The following DNAH5 variants were observed in gnomAD, a reference collection of about 807,000 sequenced individuals.
DNAH5 encodes the protein dynein axonemal heavy chain 5.
DNAH5 carries 372 observed loss-of-function variants against 518.2 expected under a neutral mutation model. The observed-to-expected ratio is 0.72, with a 90% CI of 0.66 to 0.78. DNAH5 has a LOEUF of 0.78. Among genes scored for constraint, DNAH5 ranks in the 30% least tolerant of loss-of-function variants. The pLI is 0.00. For synonymous variants in DNAH5, 2,039 were observed against 2,025.9 expected, an observed-to-expected ratio of 1.01 and a Z score of -0.17; for missense variants, 5,523 against 5,687.0, an observed-to-expected ratio of 0.97 and a Z score of 0.93.
intron 72 of DNAH5, among the ~76,000 whole-genome samples, chr5:13,718,680 A>G (rs1370895232): frequency 6.6e-6 from 1 of 152,202 alleles, no homozygotes; most frequent in Admixed American, 6.5e-5. Context: ...GGAAAATAGG[A>G]AACTAGAAGG....
In DNAH5 at chr5:13,769,527, G is replaced by T; in HGVS notation, c.9694C>A (p.Gln3232Lys). Residue 3232 changes from glutamine to lysine, a missense_variant, in exon 57 of 79, where the codon CAA becomes AAA. Gln to Lys is a moderately conservative substitution (Grantham distance 53). Coordinates refer to ENST00000265104, the MANE Select transcript of DNAH5 (RefSeq NM_001369.3). ...KELEAKEKEL[Q>K]VANDKADMVL... ...ATGTCGGCTTTATCGTTGGCCACTT[G>T]TAGCTCCTTTTCTTTCGCTTCCAGT... 6.2e-7 allele frequency: 1 copy of T among 1,614,044 alleles called. No individual in the cohort carries two copies. Among genetic ancestry groups the T allele is most frequent in the South Asian group, 1.1e-5 (1 of 91,082 alleles).
intron 70 of DNAH5, among the ~76,000 whole-genome samples, chr5:13,723,545 G>T (rs543446385): frequency 6.6e-6 from 1 of 152,228 alleles, no homozygotes; most frequent in Non-Finnish European, 1.5e-5. Flanking sequence ...AGAATACTAT[G>T]GGGCCAGATG....
intron 1 of DNAH5, among the ~76,000 whole-genome samples, chr5:14,001,691 T>TTA (rs1784366495): frequency 6.6e-6 from 1 of 151,384 alleles, no homozygotes. Context: ...TTTTTTTTTT[T>TTA]AAGGATACTT....
In DNAH5 at chr5:13,695,052, C is replaced by T. The variant is rs542929109; in HGVS notation, c.13724-2917G>A. ...GAATGAAACCTAGTCAGAATGGATC[C>T]GTGGCCTCTCCGCTTCATCTCTGCA... On this transcript the variant is annotated intron_variant, in intron 78 of 78. Transcript: ENST00000265104. Among the ~76,000 whole-genome samples the T allele has an allele frequency of 4.6e-5, 7 of 152,266 alleles. No homozygotes were observed. In the South Asian group the frequency reaches 8.3e-4, roughly 18 times the overall value.
chr5:13,946,384 C>T (rs2152031283), upstream of DNAH5, among the ~76,000 whole-genome samples: 1 of 152,276 alleles, frequency 6.6e-6, no homozygotes, highest in South Asian at 2.1e-4. Context: ...ACCCCTCGGG[C>T]AAGGTAGATG....
chr5:13,931,097 A>C lies in DNAH5; in HGVS notation c.192+13T>G, dbSNP rs748766080. The C allele has an allele frequency of 1.2e-6, 2 of 1,613,908 alleles. No homozygotes were observed. Among genetic ancestry groups the C allele is most frequent in the African/African-American group, 2.7e-5 (2 of 74,916 alleles). On this transcript the variant is annotated intron_variant, in intron 2 of 78. Transcript: ENST00000265104. ...TCCATCATCAAGTCAGTGAGAAGTG[A>C]AACGCATCCCACCTGATTCCCTTCA...
rs905242 is a variant in DNAH5 at position 13,851,129 on chromosome 5, A to G, written c.4951-314T>C. Among the ~76,000 whole-genome samples, 66,761 of 152,066 alleles carry G rather than the reference A, an allele frequency of 0.44. 14,882 individuals carry two copies. The highest frequency in any genetic ancestry group is 0.5 in the South Asian group (2,409 of 4,822). On this transcript the variant is annotated intron_variant, in intron 30 of 78. Transcript: ENST00000265104. ...AGAAAGTACACACATTTCTTTTCAC[A>G]GGTTATCTCTAAATGAAGTACATTT...
chr5:13,816,476 C>A (rs1038449513), intron 42 of DNAH5, among the ~76,000 whole-genome samples: 6 of 145,624 alleles, frequency 4.1e-5, no homozygotes, highest in Non-Finnish European at 8.9e-5. Context: ...ACTAGCAATT[C>A]AAGTAAAATG....
intron 1 of DNAH5, among the ~76,000 whole-genome samples, chr5:13,968,928 T>G (rs1056777925): frequency 6.6e-6 from 1 of 152,208 alleles, no homozygotes; most frequent in African/African-American, 2.4e-5. Flanking sequence ...AATTCAGCTG[T>G]GAATGCATCC....
At chr5:13,800,519 A>T (rs963617628) in intron 47 of DNAH5, among the ~76,000 whole-genome samples, 7 of 151,922 alleles carry the variant, frequency 4.6e-5, no homozygotes, top group African/African-American at 1.7e-4. Context: ...TAATTTCAAC[A>T]CCCTTTCTAA....
intron 51 of DNAH5, among the ~76,000 whole-genome samples, chr5:13,787,002 T>C (rs547122799): frequency 9.9e-5 from 15 of 152,212 alleles, no homozygotes; most frequent in African/African-American, 3.6e-4. Context: ...GGCAGATCAC[T>C]TGAGGTCAGG....
At chr5:13,778,661 T>C (rs1035863443) in intron 53 of DNAH5, among the ~76,000 whole-genome samples, 2 of 151,894 alleles carry the variant, frequency 1.3e-5, no homozygotes, top group African/African-American at 4.8e-5. Flanking sequence ...TCTTGTGATA[T>C]GGGGGAAATT....
intron 2 of DNAH5, among the ~76,000 whole-genome samples, chr5:13,928,667 G>C (rs532224711): frequency 1.2e-3 from 180 of 152,320 alleles, no homozygotes; most frequent in African/African-American, 4.1e-3. Context: ...CTGGGACTAA[G>C]AGTCCCATCC....
chr5:13,771,238 T>C, intron 55 of DNAH5: 3 of 475,474 alleles, frequency 6.3e-6, no homozygotes, highest in Non-Finnish European at 1.2e-5. Context: ...TGCAGAGACA[T>C]CTCTTCTACA....
At position 13,885,021 on chromosome 5, in the gene DNAH5, C is replaced by T. The variant is rs780758815; in HGVS notation, c.2951G>A (p.Arg984His). The part of the protein sequence containing the change: ...TRNTLEAIRK[R>H]IHSSHTINFR... ...GTTAATTGTGTGAGAGGAATGAATA[C>T]GTTTGCGAATGGCCTCTAGTGTATT... Residue 984 changes from arginine to histidine, a missense_variant, in exon 19 of 79, where the codon CGT becomes CAT. Transcript: ENST00000265104. The T allele has an allele frequency of 2.7e-5, 43 of 1,614,050 alleles. 1 individual carries two copies. The highest frequency in any genetic ancestry group is 1.3e-4 in the South Asian group (12 of 91,092).
chr5:14,009,641 A>G (rs1784980571), intron 1 of DNAH5, among the ~76,000 whole-genome samples: 2 of 152,268 alleles, frequency 1.3e-5, no homozygotes, highest in African/African-American at 4.8e-5. Flanking sequence ...CATGCAGTAC[A>G]GGAAACAGAG....
chr5:13,738,704 C>T (rs932310979), intron 65 of DNAH5, among the ~76,000 whole-genome samples: 2 of 152,038 alleles, frequency 1.3e-5, no homozygotes, highest in African/African-American at 4.8e-5. Flanking sequence ...CCAAGCAAGC[C>T]ACAGGAAGAG....
Position 13,762,885 on chromosome 5 carries a change from G to T in DNAH5, c.10118C>A (p.Thr3373Lys). The T allele has an allele frequency of 6.2e-7, 1 of 1,613,752 alleles. No individual in the cohort carries two copies. Among genetic ancestry groups the T allele is most frequent in the Non-Finnish European group, 8.5e-7 (1 of 1,179,728 alleles). ...AAATTCTATCACCTCTTCATTGATT[G>T]TGTCTTTTGGGAATTGCTATGGAAG... ...LQNLQQFPKD[T>K]INEEVIEFLS... Residue 3373 changes from threonine (T) to lysine (K), a missense_variant, in exon 60 of 79, where the codon ACA (threonine) becomes AAA (lysine). Physicochemically the swap from Thr to Lys is moderately conservative, Grantham distance 78. Transcript: ENST00000265104.
At position 13,861,939 on chromosome 5, in the gene DNAH5, C is replaced by T. The variant is rs912430412; in HGVS notation, c.4796+609G>A. On this transcript the variant is annotated intron_variant, in intron 29 of 78. Transcript: ENST00000265104. ...TTGCACTCCAGCCTGGGTGACAAAG[C>T]AAGATTCCATCTCAAAAAAAAAAAA... Among the ~76,000 whole-genome samples the T allele has an allele frequency of 1.1e-3, 79 of 69,490 alleles. 1 individual carries two copies. Among genetic ancestry groups the T allele is most frequent in the African/African-American group, 4.3e-3 (75 of 17,590 alleles). 45.6% of individuals were successfully genotyped at this position (69,490 alleles called of 152,430 possible). A position where few individuals can be genotyped will look rare whatever the true frequency, so the allele number is the denominator to read the frequency against.
Sources: allele counts gnomAD v4.1 joint callset (sites outside exome capture counted in the v4.1 genomes callset), GRCh38; gene constraint gnomAD v4.1.1; transcripts MANE v1.5; gene names NCBI Gene and HGNC (gene_info 2026-07-23, HGNC 2026-07-21).